The following WNT10B variants were observed in gnomAD, a reference collection of about 807,000 sequenced individuals.
WNT10B encodes protein Wnt-10b.
In WNT10B, 26 loss-of-function variants were observed where a neutral mutation model predicts 32.7. The ratio of observed to expected loss-of-function variants is 0.79; its 90% CI spans 0.58 to 1.10. The LOEUF (loss-of-function observed/expected upper bound fraction) is 1.10. WNT10B is among the 50% of genes least tolerant of loss of function. The pLI is 0.00. For missense variants in WNT10B, 474 were observed against 532.5 expected (o/e 0.89, Z 1.08); for synonymous variants, 204 against 220.4 (o/e 0.93, Z 0.66).
intron 3 of WNT10B, among the ~76,000 whole-genome samples, chr12:48,968,692 C>T (rs989347549): frequency 5.9e-5 from 9 of 152,002 alleles, no homozygotes; most frequent in African/African-American, 1.4e-4. Flanking sequence ...TGTGTACAAC[C>T]GAGTTCTACA....
intron 4 of WNT10B, 142 bp from the exon 5 acceptor site, chr12:48,966,695 C>T (rs1395932943): frequency 1.0e-6 from 1 of 970,446 alleles, no homozygotes; most frequent in African/African-American, 1.6e-5. Context: ...ACAGAAAGGA[C>T]ATTGCAGTTA....
chr12:48,969,200 C>A, intron 3 of WNT10B: 1 of 461,918 alleles, frequency 2.2e-6, no homozygotes. Context: ...CTCCGGAGCC[C>A]TGAGAAGACG....
intron 1 of WNT10B, among the ~76,000 whole-genome samples, chr12:48,971,119 G>A (rs1449595092): frequency 6.6e-6 from 1 of 152,182 alleles, no homozygotes; most frequent in Non-Finnish European, 1.5e-5. Flanking sequence ...TCCAGGTGCA[G>A]GAAAGATGGG....
Position 48,966,411 on chromosome 12 carries a change from A to G in WNT10B, c.854T>C (p.Ile285Thr), listed in dbSNP as rs146010731. 6.1e-4 allele frequency: 992 copies of G among 1,614,030 alleles called. 2 individuals are homozygous for G. The highest frequency in any genetic ancestry group is 2.3e-3 in the Middle Eastern group (14 of 6,062). ...LRERLGRAIF[I>T]DTHNRNSGAF... ...TCCAGAATTGCGGTTGTGGGTATCA[A>G]TGAAGATGGCCCGGCCCAGCCGCTC... The change falls in exon 5 of 5, where the codon ATT (isoleucine) becomes ACT (threonine). Residue 285 changes from isoleucine to threonine, a missense_variant. By Grantham distance (89) the Ile-to-Thr change is moderately conservative. Transcript: ENST00000301061.
chr12:48,969,997 C>G, intron 3 of WNT10B, 92 bp downstream of exon 3: 1 of 1,360,498 alleles, frequency 7.4e-7, no homozygotes, highest in Non-Finnish European at 9.4e-7. Flanking sequence ...CTCCCGGAGC[C>G]GCGAAACCAT....
In WNT10B at chr12:48,965,749, G is replaced by C. The variant is rs1346532755; in HGVS notation, c.*346C>G. The C allele has an allele frequency of 3.2e-6, 1 of 313,214 alleles. No individual in the cohort carries two copies. The highest frequency in any genetic ancestry group is 6.1e-6 in the Non-Finnish European group (1 of 163,588). 19.4% of individuals were successfully genotyped at this position (313,214 alleles called of 1,614,324 possible). On this transcript the variant is annotated 3_prime_UTR_variant, in exon 5 of 5. Transcript: ENST00000301061. ...GGTTATCCCTCAAGGGAGAGGAGTG[G>C]TGAAACTATAGGGACTCCCCAGCCA...
intron 4 of WNT10B, among the ~76,000 whole-genome samples, chr12:48,967,621 A>AT (rs1458543708): frequency 1.3e-5 from 2 of 151,912 alleles, no homozygotes; most frequent in East Asian, 3.9e-4. Flanking sequence ...TATATGTATA[A>AT]TTTTTTTAAA....
At chr12:48,969,130 C>T in intron 3 of WNT10B, 1 of 470,928 alleles carries the variant, frequency 2.1e-6, no homozygotes, top group Non-Finnish European at 4.4e-6. Context: ...TCCAAGCCTT[C>T]CCCTACACCA....
At chr12:48,967,329 G>A (rs1245001096) in intron 4 of WNT10B, among the ~76,000 whole-genome samples, 3 of 152,022 alleles carry the variant, frequency 2.0e-5, no homozygotes, top group Admixed American at 2.0e-4. Flanking sequence ...CCATGCCCGG[G>A]TAATTTTTTG....
At position 48,966,005 on chromosome 12, in the gene WNT10B, G is replaced by T; in HGVS notation, c.*90C>A. On this transcript the variant is annotated 3_prime_UTR_variant, in exon 5 of 5. Coordinates refer to ENST00000301061, the MANE Select transcript of WNT10B (RefSeq NM_003394.4). ...GATACTTTAAGCTTCCAGGGACCAA[G>T]AGTGACCTTGGAAGGAAATCAGAGC... 6.7e-7 allele frequency: 1 copy of T among 1,503,548 alleles called. No individual in the cohort carries two copies. The highest frequency in any genetic ancestry group is 9.1e-7 in the Non-Finnish European group (1 of 1,100,064). 93.1% of individuals were successfully genotyped at this position (1,503,548 alleles called of 1,614,324 possible).
At chr12:48,971,079 C>T (rs1296853487) in intron 1 of WNT10B, among the ~76,000 whole-genome samples, 6 of 152,170 alleles carry the variant, frequency 3.9e-5, no homozygotes, top group Non-Finnish European at 8.8e-5. Flanking sequence ...ACACTGCCCC[C>T]TCCCTGAGCA....
At position 48,970,223 on chromosome 12, in the gene WNT10B, A is replaced by C; in HGVS notation, c.203T>G (p.Val68Gly). The change falls in exon 3 of 5, where the codon GTG (valine) becomes GGG (glycine). Residue 68 changes from valine (V) to glycine (G), a missense_variant. Physicochemically the swap from Val to Gly is moderately radical, Grantham distance 109 (BLOSUM62 -3). Coordinates refer to ENST00000301061, the MANE Select transcript of WNT10B (RefSeq NM_003394.4). The surrounding 1 kb of genome is among the most constrained non-coding windows in gnomAD (Gnocchi z 5.0). ...QLGLCLRNPD[V>G]TASALQGLHI... The stretch of plus-strand genomic sequence containing the variant: ...CAGACCCTGAAGCGCGGACGCCGTC[A>C]CGTCGGGGTTGCGCAGGCACAGGCC... The C allele has an allele frequency of 6.2e-7, 1 of 1,605,414 alleles. No individual in the cohort carries two copies. The highest frequency in any genetic ancestry group is 1.1e-5 in the South Asian group (1 of 89,804).
In WNT10B at chr12:48,966,341, C is replaced by T. The variant is rs558147446; in HGVS notation, c.924G>A (p.Leu308=). ...AGTCAGGAGACTTCTCAAAGTAGAC[C>T]AGCTCTCCTGAGAGGCGACGGGGAC... ...RLRPRRLSGE[L]VYFEKSPDFC... The change falls in exon 5 of 5, where the codon CTG becomes CTA. Residue 308 remains leucine (L), a synonymous_variant. Coordinates refer to ENST00000301061, the MANE Select transcript of WNT10B (RefSeq NM_003394.4). 120 of 1,614,214 alleles carry T rather than the reference C, an allele frequency of 7.4e-5. No individual in the cohort carries two copies. The South Asian group carries it at 1.2e-3, about 17-fold the overall frequency.
At chr12:48,966,672 A>G (rs1353886562) in intron 4 of WNT10B, 119 bp from the exon 5 acceptor site, 13 of 1,132,108 alleles carry the variant, frequency 1.1e-5, no homozygotes, top group Middle Eastern at 1.9e-4. Context: ...CAAGAATAAC[A>G]TGGTATATCA....
At position 48,968,069 on chromosome 12, in the gene WNT10B, C is replaced by T; in HGVS notation, c.588G>A (p.Trp196Ter). ...AGTCCATGTCATGGTTACAGCCACC[C>T]CATTCCCATGTGTCCTGGGGGCCAG... ...PSPGPQDTWE[W>*]GGCNHDMDFG... The change falls in exon 4 of 5, where the codon TGG (tryptophan) becomes TGA (stop). Residue 196 changes from tryptophan (W) to a stop codon, truncating the protein, a stop_gained. Coordinates refer to ENST00000301061, the MANE Select transcript of WNT10B (RefSeq NM_003394.4). LOFTEE classifies it high-confidence loss of function. 4 of 1,614,274 alleles carry T rather than the reference C, an allele frequency of 2.5e-6. No homozygotes were observed. The highest frequency in any genetic ancestry group is 3.4e-6 in the Non-Finnish European group (4 of 1,180,054).
chr12:48,968,025 C>G lies in WNT10B; in HGVS notation c.632G>C (p.Arg211Pro). The change falls in exon 4 of 5, where the codon CGG becomes CCG. Residue 211 changes from arginine to proline, a missense_variant. Arg to Pro is a moderately radical substitution (Grantham distance 103). Transcript: ENST00000301061. ...AGCTTCCCTGGAATCCAAGAAATCCCGAGAGAACTTCTCTCCAAAGTCCAT... is the reference window on the plus strand; with the variant it reads ...AGCTTCCCTGGAATCCAAGAAATCCGGAGAGAACTTCTCTCCAAAGTCCAT... ...HDMDFGEKFS[R>P]DFLDSREAPR... The G allele has an allele frequency of 6.2e-7, 1 of 1,614,250 alleles. No individual in the cohort carries two copies. Among genetic ancestry groups the G allele is most frequent in the Non-Finnish European group, 8.5e-7 (1 of 1,180,042 alleles).
In WNT10B at chr12:48,970,653, AC is replaced by A; in HGVS notation, c.-40-85del. 9.2e-7 allele frequency: 1 copy of A among 1,081,300 alleles called. No homozygotes were observed. The highest frequency in any genetic ancestry group is 1.4e-6 in the Non-Finnish European group (1 of 731,316). The allele number at this position is 1,081,300 out of a possible 1,614,324, so 67.0% of individuals were successfully genotyped here. ...AGTGACGCCCTTCTTCGGGCTCCTA[AC>A]CCACCGGTGCCACCCTACTGACCCT... On this transcript the variant is annotated intron_variant, in intron 1 of 4. Transcript: ENST00000301061. This position sits in a 1 kb window ranked among gnomAD's most constrained non-coding sequence, Gnocchi z 5.0.
At chr12:48,966,581 A>G in intron 4 of WNT10B, 28 bp from the exon 5 acceptor site, 2 of 1,609,100 alleles carry the variant, frequency 1.2e-6, no homozygotes, top group South Asian at 2.2e-5. Context: ...AAAGAGGTGA[A>G]GCAGAGGGCA....
chr12:48,971,132 G>A (rs2137615904), intron 1 of WNT10B, among the ~76,000 whole-genome samples: 1 of 152,152 alleles, frequency 6.6e-6, no homozygotes, highest in East Asian at 1.9e-4. Flanking sequence ...AAGATGGGGA[G>A]GAGAGCCTGG....
Sources: allele counts gnomAD v4.1 joint callset (sites outside exome capture counted in the v4.1 genomes callset), GRCh38; gene constraint gnomAD v4.1.1; non-coding constraint Gnocchi (gnomAD v3.1); transcripts MANE v1.5; gene names NCBI Gene and HGNC (gene_info 2026-07-23, HGNC 2026-07-21).